LAIR2: variants seen among roughly 807,000 people sequenced by gnomAD.
The protein encoded by LAIR2 is leukocyte-associated immunoglobulin-like receptor 2.
In LAIR2, 14 loss-of-function variants were observed where a neutral mutation model predicts 14.8. The ratio of observed to expected loss-of-function variants is 0.95; its 90% CI spans 0.62 to 1.48. The LOEUF is 1.48. LAIR2 is among the 40% of genes most tolerant of loss of function. The pLI is 0.00. For missense variants in LAIR2, 172 were observed against 180.9 expected, an observed-to-expected ratio of 0.95 and a Z score of 0.28; for synonymous variants, 75 against 74.5, an observed-to-expected ratio of 1.01 and a Z score of -0.03.
chr19:54,504,875 G>T (rs996453603), intron 2 of LAIR2, among the ~76,000 whole-genome samples: 3 of 152,166 alleles, frequency 2.0e-5, no homozygotes, highest in Non-Finnish European at 4.4e-5. Context: ...CACACAAAGT[G>T]CTGGGATTAC....
chr19:54,509,778 G>A (rs2085436357), intron 4 of LAIR2, among the ~76,000 whole-genome samples: 1 of 151,662 alleles, frequency 6.6e-6, no homozygotes, highest in African/African-American at 2.4e-5. Flanking sequence ...CTCTGGCTCT[G>A]CCCCTGGACT....
rs529627366 is a variant in LAIR2, at chr19:54,506,575, T to A, written c.71-1316T>A. Among the ~76,000 whole-genome samples the A allele has an allele frequency of 3.0e-3, 452 of 152,268 alleles. 1 individual carries two copies. The highest frequency in any genetic ancestry group is 5.4e-3 in the Non-Finnish European group (370 of 68,024). On this transcript the variant is annotated intron_variant, in intron 2 of 4. Transcript: ENST00000301202. ...CCTGTCCCCTAGATCCCTGCACACT[T>A]ACCCACAGGAAACTTATTGCAGTTC... is the stretch of plus-strand genomic sequence containing the variant.
chr19:54,505,946 C>T (rs1471426913), intron 2 of LAIR2, among the ~76,000 whole-genome samples: 1 of 151,856 alleles, frequency 6.6e-6, no homozygotes, highest in Non-Finnish European at 1.5e-5. Flanking sequence ...CCTCAACCTC[C>T]CAGGTAGCTA....
At position 54,507,943 on chromosome 19, in the gene LAIR2, G is replaced by A. The variant is rs150085908; in HGVS notation, c.123G>A (p.Pro41=). The A allele has an allele frequency of 2.0e-5, 33 of 1,613,940 alleles. No homozygotes were observed. Among genetic ancestry groups the A allele is most frequent in the Admixed American group, 8.3e-5 (5 of 59,992 alleles). ...CTGAGCCAGGCACTGTGATCTCCCC[G>A]GGGAGCCATGTGACTTTCATGTGCC... ...ISAEPGTVIS[P]GSHVTFMCRG... Residue 41 remains proline (P), a synonymous_variant, in exon 3 of 5, where the codon CCG becomes CCA. Coordinates refer to ENST00000301202, the MANE Select transcript of LAIR2 (RefSeq NM_002288.6).
In LAIR2 at chr19:54,508,107, C is replaced by T. The variant is rs2123400530; in HGVS notation, c.287C>T (p.Ala96Val). Residue 96 changes from alanine (A) to valine (V), a missense_variant, in exon 3 of 5, where the codon GCC becomes GTC. Around this residue, in one of 2 missense-constraint regions of LAIR2, gnomAD observed 161 missense variants for 149.0 expected, o/e 1.08. Coordinates refer to ENST00000301202, the MANE Select transcript of LAIR2 (RefSeq NM_002288.6). ...FHIDSVSEGN[A>V]GLYRCLYYKP... is the part of the protein sequence containing the mutation. ...ATTGACTCAGTAAGTGAAGGAAATG[C>T]CGGGCTTTATCGCTGCCTCTATTAT... The T allele has an allele frequency of 6.2e-7, 1 of 1,614,182 alleles. No homozygotes were observed. The highest frequency in any genetic ancestry group is 8.5e-7 in the Non-Finnish European group (1 of 1,180,008).
intron 2 of LAIR2, among the ~76,000 whole-genome samples, chr19:54,506,332 T>C (rs2085363622): frequency 6.6e-6 from 1 of 152,196 alleles, no homozygotes; most frequent in Non-Finnish European, 1.5e-5. Flanking sequence ...AATAATGTAA[T>C]ACATTGTTAT....
At chr19:54,506,450 C>A (rs1356929651) in intron 2 of LAIR2, among the ~76,000 whole-genome samples, 4 of 151,628 alleles carry the variant, frequency 2.6e-5, no homozygotes, top group Non-Finnish European at 4.4e-5. Context: ...GCCCTGGTGT[C>A]CCCTGTCTGC....
At chr19:54,507,757 A>C in intron 2 of LAIR2, 134 bp from the exon 3 acceptor site, 1 of 804,540 alleles carries the variant, frequency 1.2e-6, no homozygotes. Context: ...GGAATGTTCT[A>C]AGGTTGGGCT....
chr19:54,507,915 C>T lies in LAIR2; in HGVS notation c.95C>T (p.Ser32Leu), dbSNP rs770049769. 13 of 1,614,002 alleles carry T rather than the reference C, an allele frequency of 8.1e-6. No individual in the cohort carries two copies. The highest frequency in any genetic ancestry group is 2.7e-5 in the African/African-American group (2 of 74,928). Residue 32 changes from serine to leucine, a missense_variant, in exon 3 of 5, where the codon TCG (serine) becomes TTG (leucine). Around this residue, in one of 2 missense-constraint regions of LAIR2, gnomAD observed 161 missense variants for 149.0 expected, o/e 1.08. Coordinates refer to ENST00000301202, the MANE Select transcript of LAIR2 (RefSeq NM_002288.6). ...QEGALPRPSI[S>L]AEPGTVISPG... ...GGGGCCCTTCCCAGACCCTCCATCT[C>T]GGCTGAGCCAGGCACTGTGATCTCC... is the stretch of plus-strand genomic sequence containing the variant.
Position 54,503,713 on chromosome 19 carries a change from C to T in LAIR2, c.48C>T (p.Ala16=). The change falls in exon 2 of 5, where the codon GCC becomes GCT. Residue 16 remains alanine, a synonymous_variant. Transcript: ENST00000301202. ...TALLGLVLCL[A]QTIHTQEGAL... is the part of the protein sequence containing the mutation. ...CTTCTCTTCCAGTGCTCTGCCTGGC[C>T]CAGACCATCCACACGCAGGAGGGTA... The T allele has an allele frequency of 6.2e-7, 1 of 1,613,972 alleles. No individual in the cohort carries two copies. Among genetic ancestry groups the T allele is most frequent in the South Asian group, 1.1e-5 (1 of 91,078 alleles).
intron 2 of LAIR2, among the ~76,000 whole-genome samples, chr19:54,506,961 G>A (rs2085374612): frequency 6.6e-6 from 1 of 151,964 alleles, no homozygotes; most frequent in Non-Finnish European, 1.5e-5. Flanking sequence ...CGCAAAGTGA[G>A]GTTATATTAA....
rs2085400934 is a variant in LAIR2 at position 54,508,127 on chromosome 19, T to C, written c.307T>C (p.Tyr103His). Reference protein sequence around the residue: ...EGNAGLYRCLYYKPPGWSEHS... With the variant: ...EGNAGLYRCLHYKPPGWSEHS... ...AAATGCCGGGCTTTATCGCTGCCTC[T>C]ATTATAAGCCCCCTGGATGGTCTGA... Residue 103 changes from tyrosine to histidine, a missense_variant, in exon 3 of 5, where the codon TAT (tyrosine) becomes CAT (histidine). By Grantham distance (83) the Tyr-to-His change is moderately conservative. This residue lies in a region of LAIR2 where 161 missense variants were observed against 149.0 expected (regional missense o/e 1.08). Transcript: ENST00000301202. 6.2e-7 allele frequency: 1 copy of C among 1,614,098 alleles called. No individual in the cohort carries two copies. The highest frequency in any genetic ancestry group is 8.5e-7 in the Non-Finnish European group (1 of 1,180,008).
Position 54,510,561 on chromosome 19 carries a change from G to A in LAIR2, c.451G>A (p.Ala151Thr). The change falls in exon 5 of 5, where the codon GCA becomes ACA. Residue 151 changes from alanine to threonine, a missense_variant. Coordinates refer to ENST00000301202, the MANE Select transcript of LAIR2 (RefSeq NM_002288.6). ...AGGCACTGAAGCCTCCGGATTTGAT[G>A]CACCATGAATGAGGAGAAATGGCCT... ...VPGTEASGFD[A>T]P 6.2e-7 allele frequency: 1 copy of A among 1,613,812 alleles called. No individual in the cohort carries two copies. Among genetic ancestry groups the A allele is most frequent in the Non-Finnish European group, 8.5e-7 (1 of 1,179,730 alleles).
chr19:54,503,326 C>T (rs557412244), intron 1 of LAIR2, among the ~76,000 whole-genome samples: 126 of 152,038 alleles, frequency 8.3e-4, no homozygotes, highest in African/African-American at 2.8e-3. Flanking sequence ...GGCATGGTGG[C>T]GGGCACCTGT....
chr19:54,507,475 G>C (rs1239323496), intron 2 of LAIR2, among the ~76,000 whole-genome samples: 1 of 152,092 alleles, frequency 6.6e-6, no homozygotes, highest in Non-Finnish European at 1.5e-5. Flanking sequence ...GCCCCAGCAC[G>C]AGCCATCTCC....
intron 2 of LAIR2, 61 bp from the exon 3 acceptor site, chr19:54,507,830 C>T (rs140904924): frequency 0.044 from 63,741 of 1,464,120 alleles, 1,624 homozygotes; most frequent in South Asian, 0.076. Context: ...CCTAAAATGA[C>T]GTGTGTGGCA....
intron 2 of LAIR2, among the ~76,000 whole-genome samples, chr19:54,504,467 C>A (rs999791033): frequency 6.6e-6 from 1 of 151,954 alleles, no homozygotes; most frequent in Non-Finnish European, 1.5e-5. Flanking sequence ...CTATAGTCAG[C>A]CTGCTATGCA....
At chr19:54,505,448 C>G (rs545053106) in intron 2 of LAIR2, among the ~76,000 whole-genome samples, 4 of 152,206 alleles carry the variant, frequency 2.6e-5, no homozygotes, top group African/African-American at 4.8e-5. Context: ...AGCCCTTCTC[C>G]CCTCCGTGGC....
intron 2 of LAIR2, among the ~76,000 whole-genome samples, chr19:54,506,115 G>A (rs915295298): frequency 5.3e-5 from 8 of 152,054 alleles, no homozygotes; most frequent in Admixed American, 4.6e-4. Context: ...GTGAGACACC[G>A]CGCCTGGTCT....
Sources: allele counts gnomAD v4.1 joint callset (sites outside exome capture counted in the v4.1 genomes callset), GRCh38; gene constraint gnomAD v4.1.1; regional missense constraint gnomAD v4.1.1; transcripts MANE v1.5; gene names NCBI Gene and HGNC (gene_info 2026-07-23, HGNC 2026-07-21).